The following NKAIN2 variants were observed in gnomAD, a reference collection of about 807,000 sequenced individuals.
NKAIN2 encodes sodium/potassium-transporting ATPase subunit beta-1-interacting protein 2.
A neutral mutation model predicts 32.6 loss-of-function variants in NKAIN2; 14 were observed. The observed-to-expected ratio is 0.43, with a 90% CI of 0.28 to 0.67. The LOEUF (loss-of-function observed/expected upper bound fraction) is 0.67, where lower values mean the gene tolerates loss of function less well. Ranked by LOEUF, NKAIN2 falls within the 30% of genes least tolerant of loss-of-function variation. NKAIN2 has a pLI of 0.17. For synonymous variants in NKAIN2, 80 were observed against 87.2 expected (o/e 0.92, Z 0.46); for missense variants, 198 against 258.3 (o/e 0.77, Z 1.60).
rs956464060 is a variant in NKAIN2 at position 124,001,895 on chromosome 6, T to C, written c.54+197641T>C. ...CTCAAAGGAGGAACATTATTTGCCA[T>C]GCGTTAATTATCATAATTTTGCCAT... is the stretch of plus-strand genomic sequence containing the variant. On this transcript the variant is annotated intron_variant, in intron 1 of 6. Transcript: ENST00000368417. 2.7e-5 allele frequency among the ~76,000 whole-genome samples: 4 copies of C among 150,502 alleles called. No individual in the cohort carries two copies. The Admixed American group carries it at 2.7e-4, about 10-fold the overall frequency.
chr6:123,886,740 A>G (rs760005209), intron 1 of NKAIN2, among the ~76,000 whole-genome samples: 1 of 152,168 alleles, frequency 6.6e-6, no homozygotes, highest in South Asian at 2.1e-4. Context: ...AAAATCAATC[A>G]GTTGGTCAGT....
chr6:124,516,022 A>G (rs1562232759), intron 3 of NKAIN2, among the ~76,000 whole-genome samples: 1 of 152,166 alleles, frequency 6.6e-6, no homozygotes, highest in Non-Finnish European at 1.5e-5. Flanking sequence ...AAATTGTTCA[A>G]AAATGTTTAT....
At chr6:124,421,074 TAAAAAAA>T (rs35625714) in intron 3 of NKAIN2, among the ~76,000 whole-genome samples, 1 of 133,728 alleles carries the variant, frequency 7.5e-6, no homozygotes, top group Non-Finnish European at 1.6e-5. Flanking sequence ...CTGTCAAAAT[TAAAAAAA>T]AAAAAAAAAA....
intron 1 of NKAIN2, among the ~76,000 whole-genome samples, chr6:124,118,985 G>A (rs1336461822): frequency 2.0e-5 from 3 of 152,096 alleles, no homozygotes; most frequent in Non-Finnish European, 4.4e-5. Context: ...CTGATCTAGA[G>A]AAATAGGATT....
intron 1 of NKAIN2, among the ~76,000 whole-genome samples, chr6:124,271,373 C>A (rs867589425): frequency 1.3e-5 from 2 of 152,122 alleles, no homozygotes; most frequent in African/African-American, 4.8e-5. Flanking sequence ...CCTGCCACCA[C>A]GCCTGGCTAA....
intron 1 of NKAIN2, among the ~76,000 whole-genome samples, chr6:123,890,988 A>C (rs776235953): frequency 4.6e-5 from 7 of 152,188 alleles, no homozygotes; most frequent in Admixed American, 4.6e-4. Context: ...TGGTGTATGC[A>C]TACAATGGGA....
At chr6:124,010,245 T>G (rs1192941187) in intron 1 of NKAIN2, among the ~76,000 whole-genome samples, 1 of 152,088 alleles carries the variant, frequency 6.6e-6, no homozygotes, top group Non-Finnish European at 1.5e-5. Context: ...CACTTTCCCC[T>G]GAGCACAGAT....
At chr6:124,279,901 A>C (rs887692530) in intron 1 of NKAIN2, among the ~76,000 whole-genome samples, 1 of 152,300 alleles carries the variant, frequency 6.6e-6, no homozygotes, top group Middle Eastern at 3.4e-3. Context: ...GTTACAAATA[A>C]AAACTTCATA....
chr6:124,205,995 T>C (rs1169891996), intron 1 of NKAIN2, among the ~76,000 whole-genome samples: 1 of 151,872 alleles, frequency 6.6e-6, no homozygotes, highest in Non-Finnish European at 1.5e-5. Context: ...ACTCATCTCC[T>C]GATTTTGATG....
chr6:124,705,344 G>C (rs572089847), intron 4 of NKAIN2, among the ~76,000 whole-genome samples: 1 of 152,166 alleles, frequency 6.6e-6, no homozygotes, highest in East Asian at 1.9e-4. Flanking sequence ...ATAAAAATAA[G>C]AGAGGAATAA....
intron 3 of NKAIN2, among the ~76,000 whole-genome samples, chr6:124,585,933 A>G (rs763368315): frequency 6.6e-6 from 1 of 152,232 alleles, no homozygotes; most frequent in Non-Finnish European, 1.5e-5. Context: ...CTTTGCCTAA[A>G]GAAGAGGCAT....
chr6:124,810,304 T>C (rs1232582305), intron 5 of NKAIN2, among the ~76,000 whole-genome samples: 1 of 151,836 alleles, frequency 6.6e-6, no homozygotes, highest in Admixed American at 6.6e-5. Context: ...TATGCAGCCA[T>C]AAAAAATGAT....
chr6:124,219,476 C>G (rs773229393), intron 1 of NKAIN2, among the ~76,000 whole-genome samples: 6 of 151,796 alleles, frequency 4.0e-5, no homozygotes, highest in Non-Finnish European at 8.8e-5. Context: ...TGGGGTTTCA[C>G]CATGTTGGCC....
intron 3 of NKAIN2, among the ~76,000 whole-genome samples, chr6:124,590,808 T>A (rs988173853): frequency 1.4e-5 from 2 of 147,266 alleles, no homozygotes; most frequent in East Asian, 4.6e-4. Flanking sequence ...AACTGGCCCA[T>A]GTCTTAAAGC....
rs1491095246 is a variant in NKAIN2 at position 123,910,499 on chromosome 6, G to GTGTTTTTTTTTTTTTTT, written c.54+106246_54+106247insGTTTTTTTTTTTTTTTT. ...TTTGAGGACATTACCTGCAATGCAT[G>GTGTTTTTTTTTTTTTTT]TTTTTTTTTTTTTTTTTTTTTTTGA... On this transcript the variant is annotated intron_variant, in intron 1 of 6. Coordinates refer to ENST00000368417, the MANE Select transcript of NKAIN2 (RefSeq NM_001040214.3). 2.2e-4 allele frequency among the ~76,000 whole-genome samples: 18 copies of GTGTTTTTTTTTTTTTTT among 81,308 alleles called. 1 individual carries two copies. The highest frequency in any genetic ancestry group is 9.0e-4 in the African/African-American group (18 of 19,916). The allele number at this position is 81,308 out of a possible 152,430, so 53.3% of individuals were successfully genotyped here.
intron 4 of NKAIN2, among the ~76,000 whole-genome samples, chr6:124,778,956 CA>C (rs1490183512): frequency 6.6e-6 from 1 of 151,964 alleles, no homozygotes; most frequent in Non-Finnish European, 1.5e-5. Context: ...CCTAGGAGCT[CA>C]AAGTGCATTC....
chr6:124,378,754 A>G (rs992616237), intron 3 of NKAIN2, among the ~76,000 whole-genome samples: 1 of 151,906 alleles, frequency 6.6e-6, no homozygotes, highest in African/African-American at 2.4e-5. Context: ...TGCAATTTCC[A>G]TGGTGGTGCT....
intron 1 of NKAIN2, among the ~76,000 whole-genome samples, chr6:123,833,726 T>TGTGTGTG (rs1554211809): frequency 3.3e-5 from 5 of 150,124 alleles, no homozygotes; most frequent in African/African-American, 7.4e-5. Context: ...TGTGTGTGTG[T>TGTGTGTG]TTCCTGTGGA....
At chr6:123,918,774 A>G (rs1775611346) in intron 1 of NKAIN2, among the ~76,000 whole-genome samples, 1 of 152,130 alleles carries the variant, frequency 6.6e-6, no homozygotes, top group South Asian at 2.1e-4. Context: ...AGTTTTTTGA[A>G]TAAGTGTAAT....
Sources: gnomAD v4.1 joint callset for allele counts (sites outside exome capture counted in the v4.1 genomes callset) on GRCh38, gnomAD v4.1.1 for gene constraint, MANE v1.5 for transcripts, NCBI Gene and HGNC (gene_info 2026-07-23, HGNC 2026-07-21) for gene names.